The following CLSTN1 variants were observed in gnomAD, a reference collection of about 807,000 sequenced individuals.
CLSTN1 encodes calsyntenin-1.
In CLSTN1, 28 loss-of-function variants were observed where a neutral mutation model predicts 108.3. The observed-to-expected ratio is 0.26, with a 90% confidence interval of 0.19 to 0.35. The LOEUF (loss-of-function observed/expected upper bound fraction) is 0.35. Among genes scored for constraint, CLSTN1 ranks in the 10% least tolerant of loss-of-function variants. The probability of loss-of-function intolerance (pLI) is 1.00; values close to 1 mark genes in which losing one functional copy is unlikely to be tolerated. For missense variants in CLSTN1, 1,157 were observed against 1,302.6 expected (o/e 0.89, Z 1.72); for synonymous variants, 524 against 534.9 (o/e 0.98, Z 0.28).
intron 1 of CLSTN1, among the ~76,000 whole-genome samples, chr1:9,776,638 C>T (rs1570479426): frequency 1.3e-5 from 2 of 152,242 alleles, no homozygotes; most frequent in African/African-American, 2.4e-5. Context: ...GGCACTTACT[C>T]GGCAGCCAGA....
At chr1:9,735,219 C>T in intron 13 of CLSTN1, 45 bp from the exon 14 acceptor site, 1 of 1,596,262 alleles carries the variant, frequency 6.3e-7, no homozygotes, top group Non-Finnish European at 8.6e-7. Context: ...GGGAGCCGAT[C>T]TTGGAGCCCA....
intron 1 of CLSTN1, among the ~76,000 whole-genome samples, chr1:9,817,849 A>G (rs544394647): frequency 6.6e-6 from 1 of 152,302 alleles, no homozygotes; most frequent in Admixed American, 6.5e-5. Flanking sequence ...AACTGAAAGC[A>G]GCATTCTAGT....
At chr1:9,753,648 T>A (rs1369569540) in intron 4 of CLSTN1, among the ~76,000 whole-genome samples, 1 of 151,856 alleles carries the variant, frequency 6.6e-6, no homozygotes, top group East Asian at 1.9e-4. Context: ...CGTGCCACCA[T>A]GCCTGGTTAA....
chr1:9,763,123 G>A (rs527848202), intron 2 of CLSTN1, among the ~76,000 whole-genome samples: 1 of 152,120 alleles, frequency 6.6e-6, no homozygotes, highest in South Asian at 2.1e-4. Context: ...CACCACGCCT[G>A]GCTAATTTTT....
At position 9,735,903 on chromosome 1, in the gene CLSTN1, G is replaced by A. The variant is rs1377524894; in HGVS notation, c.1716C>T (p.Asp572=). ...KEGLDLQVLE[D]SGRGVQIQAH... is the part of the protein sequence containing the mutation. ...GTGTTACCTGCACGCCTCTGCCACTGTCTTCGAGGACCTGCAGGTCCAGCC... is the reference window on the plus strand; with the variant it reads ...GTGTTACCTGCACGCCTCTGCCACTATCTTCGAGGACCTGCAGGTCCAGCC... The change falls in exon 12 of 19, where the codon GAC becomes GAT. Residue 572 remains aspartate (D), a synonymous_variant. Coordinates refer to ENST00000377298, the MANE Select transcript of CLSTN1 (RefSeq NM_001009566.3). 3.1e-6 allele frequency: 5 copies of A among 1,613,964 alleles called. No homozygotes were observed. The highest frequency in any genetic ancestry group is 1.1e-5 in the South Asian group (1 of 91,090).
intron 4 of CLSTN1, among the ~76,000 whole-genome samples, chr1:9,753,168 G>A (rs924456500): frequency 2.6e-4 from 40 of 152,254 alleles, no homozygotes; most frequent in African/African-American, 8.7e-4. Flanking sequence ...CATAAGGAGC[G>A]CACAACCTAG....
At chr1:9,768,211 T>TCTGTGTTGAGC (rs1652444254) in intron 2 of CLSTN1, among the ~76,000 whole-genome samples, 1 of 148,046 alleles carries the variant, frequency 6.8e-6, no homozygotes. Flanking sequence ...GGGGCGGGGT[T>TCTGTGTTGAGC]GTCCTGGACG....
At chr1:9,744,085 G>C (rs1651126743) in intron 8 of CLSTN1, 80 bp from the exon 9 acceptor site, 2 of 1,560,068 alleles carry the variant, frequency 1.3e-6, no homozygotes, top group Non-Finnish European at 1.7e-6. Context: ...AATGGATTTT[G>C]AAGACACAAT....
chr1:9,763,257 C>T (rs1652168871), intron 2 of CLSTN1, among the ~76,000 whole-genome samples: 1 of 152,116 alleles, frequency 6.6e-6, no homozygotes, highest in Admixed American at 6.6e-5. Context: ...CCACTGCACC[C>T]GGCCTAGGAT....
rs1174200417 is a variant in CLSTN1, at chr1:9,759,792, C to T, written c.215-3282G>A. On this transcript the variant is annotated intron_variant, in intron 2 of 18. Transcript: ENST00000377298. ...GATCTCTGCTCTAGAGAGACACCCACGAGTAAAACTGCCTGGTATCAGATG... is the reference window on the plus strand; with the variant it reads ...GATCTCTGCTCTAGAGAGACACCCATGAGTAAAACTGCCTGGTATCAGATG... Among the ~76,000 whole-genome samples, 4 of 152,164 alleles carry T rather than the reference C, an allele frequency of 2.6e-5. No individual in the cohort carries two copies. The South Asian group carries it at 8.3e-4, about 32-fold the overall frequency.
rs1395886296 is a variant in CLSTN1, at chr1:9,744,658, C to T, written c.986-15G>A. The T allele has an allele frequency of 1.9e-6, 3 of 1,596,880 alleles. No homozygotes were observed. Among genetic ancestry groups the T allele is most frequent in the African/African-American group, 1.3e-5 (1 of 74,710 alleles). On this transcript the variant is annotated splice_polypyrimidine_tract_variant and intron_variant, in intron 7 of 18. Transcript: ENST00000377298. ...CGCGGCCGCACCTGAAGCCACAGTGCTCGGTGAAACTCATGTGAGGAGCCA... is the reference window on the plus strand; with the variant it reads ...CGCGGCCGCACCTGAAGCCACAGTGTTCGGTGAAACTCATGTGAGGAGCCA...
At position 9,734,889 on chromosome 1, in the gene CLSTN1, TG is replaced by T; in HGVS notation, c.2110+58del. 3 of 1,416,972 alleles carry T rather than the reference TG, an allele frequency of 2.1e-6. No homozygotes were observed. The highest frequency in any genetic ancestry group is 3.0e-6 in the Non-Finnish European group (3 of 1,002,958). The allele number at this position is 1,416,972 out of a possible 1,614,324, so 87.8% of individuals were successfully genotyped here. On this transcript the variant is annotated intron_variant, in intron 14 of 18. Transcript: ENST00000377298. The surrounding 1 kb of genome is among the most constrained non-coding windows in gnomAD (Gnocchi z 4.8). ...GAGACAAAGAGCCCCGCCAAGTACA[TG>T]GGGACAATGGGGTTTCCGGCCGAGG...
At chr1:9,792,456 G>T in intron 1 of CLSTN1, among the ~76,000 whole-genome samples, 1 of 151,416 alleles carries the variant, frequency 6.6e-6, no homozygotes, top group Non-Finnish European at 1.5e-5. Flanking sequence ...AAGTTCCAAA[G>T]CTGACAGGTG....
At chr1:9,745,145 C>A (rs529834601) in intron 7 of CLSTN1, among the ~76,000 whole-genome samples, 1 of 149,310 alleles carries the variant, frequency 6.7e-6, no homozygotes, top group Admixed American at 6.8e-5. Context: ...AAGGGCCAGG[C>A]GTGAACCCGG....
At chr1:9,749,669 AG>A in intron 6 of CLSTN1, 23 bp from the exon 7 acceptor site, 1 of 1,611,926 alleles carries the variant, frequency 6.2e-7, no homozygotes, top group Non-Finnish European at 8.5e-7. Context: ...ACAAGTCAGC[AG>A]GGGAAGAGAG....
chr1:9,742,733 C>A (rs569930419), intron 9 of CLSTN1, among the ~76,000 whole-genome samples: 1 of 152,240 alleles, frequency 6.6e-6, no homozygotes, highest in South Asian at 2.1e-4. Flanking sequence ...AATGGTGGAA[C>A]CCCATCTCTA....
intron 2 of CLSTN1, 108 bp from the exon 3 acceptor site, chr1:9,756,618 G>T: frequency 3.4e-6 from 3 of 872,452 alleles, no homozygotes; most frequent in Non-Finnish European, 3.6e-6. Context: ...TCCACACCAA[G>T]CTCAGCGACC....
intron 10 of CLSTN1, among the ~76,000 whole-genome samples, chr1:9,738,195 C>T (rs1239706723): frequency 2.6e-5 from 4 of 152,330 alleles, no homozygotes; most frequent in East Asian, 1.9e-4. Flanking sequence ...GCATAGCCTA[C>T]GGTGGACCTG....
At chr1:9,757,731 GCT>G (rs1194224133) in intron 2 of CLSTN1, among the ~76,000 whole-genome samples, 2 of 152,094 alleles carry the variant, frequency 1.3e-5, no homozygotes, top group Non-Finnish European at 2.9e-5. Flanking sequence ...TTACATGAAA[GCT>G]CTGTTCTACC....
Sources: gnomAD v4.1 joint callset for allele counts (sites outside exome capture counted in the v4.1 genomes callset) on GRCh38, gnomAD v4.1.1 for gene constraint, Gnocchi (gnomAD v3.1) non-coding constraint, MANE v1.5 for transcripts, NCBI Gene and HGNC (gene_info 2026-07-23, HGNC 2026-07-21) for gene names.